Variants in ZFYVE9 observed in about 807,000 individuals in gnomAD.
The protein encoded by ZFYVE9 is zinc finger FYVE domain-containing protein 9.
ZFYVE9 carries 43 observed loss-of-function variants against 126.7 expected under a neutral mutation model. The observed-to-expected ratio is 0.34, with a 90% confidence interval of 0.27 to 0.44. The LOEUF (loss-of-function observed/expected upper bound fraction) is 0.44, where lower values mean the gene tolerates loss of function less well. ZFYVE9 is among the 20% of genes least tolerant of loss of function. The probability of loss-of-function intolerance (pLI) is 1.00; values close to 1 mark genes in which losing one functional copy is unlikely to be tolerated. For synonymous variants in ZFYVE9, 521 were observed against 597.4 expected, an observed-to-expected ratio of 0.87 and a Z score of 1.87; for missense variants, 1,476 against 1,697.0, an observed-to-expected ratio of 0.87 and a Z score of 2.29.
chr1:52,283,341 G>T (rs909429410), intron 10 of ZFYVE9, among the ~76,000 whole-genome samples: 3 of 152,190 alleles, frequency 2.0e-5, no homozygotes, highest in African/African-American at 7.2e-5. Context: ...GCTTTATTCT[G>T]TAGGCAATGA....
chr1:52,340,066 G>T (rs1254546595), intron 16 of ZFYVE9, 60 bp from the exon 17 acceptor site: 8 of 1,414,874 alleles, frequency 5.7e-6, no homozygotes, highest in Non-Finnish European at 8.0e-6. Flanking sequence ...AAACGTGATA[G>T]GAAAAATGGC....
At chr1:52,166,650 T>C (rs1271199499) in intron 1 of ZFYVE9, among the ~76,000 whole-genome samples, 1 of 152,182 alleles carries the variant, frequency 6.6e-6, no homozygotes, top group African/African-American at 2.4e-5. Context: ...TGCGGTAGCT[T>C]ATGCCTGTAA....
In ZFYVE9 at chr1:52,308,177, TTTTTC is replaced by T. The variant is rs533647827; in HGVS notation, c.3438+4267_3438+4271del. Among the ~76,000 whole-genome samples, 857 of 152,260 alleles carry T rather than the reference TTTTTC, an allele frequency of 5.6e-3. 5 individuals are homozygous for T. Among genetic ancestry groups the T allele is most frequent in the South Asian group, 0.02 (96 of 4,824 alleles). On this transcript the variant is annotated intron_variant, in intron 13 of 18. Coordinates refer to ENST00000287727, the MANE Select transcript of ZFYVE9 (RefSeq NM_004799.4). ...CTTCATAGTTGAAAAAGTAATTTCT[TTTTTC>T]TTTTCTTTTCTTTTTGGAAACAGGG...
chr1:52,328,931 ATAAAG>A (rs1055697076), intron 13 of ZFYVE9, among the ~76,000 whole-genome samples: 21 of 152,206 alleles, frequency 1.4e-4, no homozygotes, highest in African/African-American at 5.1e-4. Flanking sequence ...AAGAGTTATA[ATAAAG>A]TAAAGCCAAG....
intron 5 of ZFYVE9, among the ~76,000 whole-genome samples, chr1:52,265,731 G>A (rs963816661): frequency 1.3e-5 from 2 of 152,178 alleles, no homozygotes; most frequent in African/African-American, 4.8e-5. Context: ...ACAGGGTGAT[G>A]ATTACATAAA....
rs923981059 is a variant in ZFYVE9, at chr1:52,142,474, G to C, written c.-143+71G>C. ...CCTGTGGGGGCCCTGGCGGCAGACC[G>C]CGGGCCGGGCGGACGGGGCGTCCTG... On this transcript the variant is annotated intron_variant, in intron 1 of 18. Transcript: ENST00000287727. This position sits in a 1 kb window ranked among gnomAD's most constrained non-coding sequence, Gnocchi z 4.5. 1.6e-4 allele frequency: 24 copies of C among 152,106 alleles called. No homozygotes were observed. The highest frequency in any genetic ancestry group is 5.8e-4 in the African/African-American group (24 of 41,448). The allele number at this position is 152,106 out of a possible 1,614,324, so 9.4% of individuals were successfully genotyped here.
At chr1:52,318,370 A>ATGTATG (rs1553135690) in intron 13 of ZFYVE9, among the ~76,000 whole-genome samples, 1 of 144,302 alleles carries the variant, frequency 6.9e-6, no homozygotes, top group Non-Finnish European at 1.5e-5. Flanking sequence ...GCATGATTGT[A>ATGTATG]TGTGTGTGTG....
At chr1:52,183,390 T>C (rs996003900) in intron 1 of ZFYVE9, among the ~76,000 whole-genome samples, 1 of 152,344 alleles carries the variant, frequency 6.6e-6, no homozygotes, top group Non-Finnish European at 1.5e-5. Flanking sequence ...TTAGAAGTCA[T>C]AGGAAACTAA....
chr1:52,242,899 A>G (rs920128673), intron 4 of ZFYVE9, among the ~76,000 whole-genome samples: 1 of 152,232 alleles, frequency 6.6e-6, no homozygotes, highest in African/African-American at 2.4e-5. Context: ...AGCTGAACCC[A>G]GGGAAATATT....
chr1:52,307,233 T>TTTTTG (rs1012438302), intron 13 of ZFYVE9, among the ~76,000 whole-genome samples: 2 of 152,176 alleles, frequency 1.3e-5, no homozygotes, highest in Non-Finnish European at 2.9e-5. Flanking sequence ...TATTTCTTTT[T>TTTTTG]TTTTGTTTTG....
At chr1:52,210,843 C>A in intron 1 of ZFYVE9, among the ~76,000 whole-genome samples, 1 of 152,092 alleles carries the variant, frequency 6.6e-6, no homozygotes, top group East Asian at 1.9e-4. Flanking sequence ...TTAGTAGAGA[C>A]GGGGTTTCGC....
At chr1:52,336,947 T>TAAAAAAAAAAAAAAAAA (rs71041896) in intron 15 of ZFYVE9, among the ~76,000 whole-genome samples, 125 of 107,818 alleles carry the variant, frequency 1.2e-3, no homozygotes, top group South Asian at 8.6e-3. Context: ...AGTCATCTCT[T>TAAAAAAAAAAAAAAAAA]AAAAAAAAAA....
intron 1 of ZFYVE9, among the ~76,000 whole-genome samples, chr1:52,157,146 A>T (rs1335514795): frequency 6.6e-6 from 1 of 152,006 alleles, no homozygotes; most frequent in African/African-American, 2.4e-5. Flanking sequence ...TCCCCACTTT[A>T]TAGTTGCCTG....
At chr1:52,174,682 G>A (rs963662597) in intron 1 of ZFYVE9, among the ~76,000 whole-genome samples, 2 of 151,972 alleles carry the variant, frequency 1.3e-5, no homozygotes, top group Admixed American at 6.6e-5. Context: ...ATGAATCTGG[G>A]TGCTCCTGTA....
At chr1:52,322,377 CTTTTTTTTT>C (rs113375062) in intron 13 of ZFYVE9, among the ~76,000 whole-genome samples, 11 of 119,498 alleles carry the variant, frequency 9.2e-5, no homozygotes, top group African/African-American at 3.3e-4. Flanking sequence ...GTGGTCTTTT[CTTTTTTTTT>C]TTTTTTTTTT....
At position 52,211,564 on chromosome 1, in the gene ZFYVE9, G is replaced by A. The variant is rs1313260340; in HGVS notation, c.-142-4805G>A. On this transcript the variant is annotated intron_variant, in intron 1 of 18. Coordinates refer to ENST00000287727, the MANE Select transcript of ZFYVE9 (RefSeq NM_004799.4). ...TTTCTTTACTGAGCCGGGTACAGTG[G>A]TGTGTACCTGCAGTCGTAGCTACTC... Among the ~76,000 whole-genome samples, 4 of 152,200 alleles carry A rather than the reference G, an allele frequency of 2.6e-5. No individual in the cohort carries two copies. The East Asian group carries it at 5.8e-4, about 22-fold the overall frequency.
At position 52,179,825 on chromosome 1, in the gene ZFYVE9, G is replaced by A. The variant is rs1282854077; in HGVS notation, c.-142-36544G>A. On this transcript the variant is annotated intron_variant, in intron 1 of 18. Coordinates refer to ENST00000287727, the MANE Select transcript of ZFYVE9 (RefSeq NM_004799.4). ...AAGTGTCTATTAGGGGGCACAGCTG[G>A]CTTCAGCAATTGGAAACAAGATGCA... 6 of 621,052 alleles carry A rather than the reference G, an allele frequency of 9.7e-6. No individual in the cohort carries two copies. In the East Asian group the frequency reaches 1.6e-4, roughly 16 times the overall value. The allele number at this position is 621,052 out of a possible 1,614,324, so 38.5% of individuals were successfully genotyped here.
chr1:52,163,008 T>G (rs1002879111), intron 1 of ZFYVE9: 1 of 265,586 alleles, frequency 3.8e-6, no homozygotes, highest in Non-Finnish European at 7.2e-6. Flanking sequence ...GACCCATTTA[T>G]TCTTCCAGAT....
chr1:52,172,411 G>A (rs1644582039), intron 1 of ZFYVE9, among the ~76,000 whole-genome samples: 1 of 152,174 alleles, frequency 6.6e-6, no homozygotes, highest in African/African-American at 2.4e-5. Context: ...TAGCCTTGTA[G>A]TATAGTTTGA....
Sources: allele counts gnomAD v4.1 joint callset (sites outside exome capture counted in the v4.1 genomes callset), GRCh38; gene constraint gnomAD v4.1.1; non-coding constraint Gnocchi (gnomAD v3.1); transcripts MANE v1.5; gene names NCBI Gene and HGNC (gene_info 2026-07-23, HGNC 2026-07-21).